CLVS1: variants seen among roughly 807,000 people sequenced by gnomAD.
CLVS1 encodes the protein clavesin-1.
In CLVS1, 10 loss-of-function variants were observed where a neutral mutation model predicts 33.1. That is an observed-to-expected ratio of 0.30 (90% CI 0.19 to 0.51). The LOEUF (loss-of-function observed/expected upper bound fraction) is 0.51. Ranked by LOEUF, CLVS1 falls within the 20% of genes least tolerant of loss-of-function variation. The probability of loss-of-function intolerance (pLI) is 0.97; values close to 1 mark genes in which losing one functional copy is unlikely to be tolerated. For missense variants in CLVS1, 343 were observed against 433.4 expected (o/e 0.79, Z 1.85); for synonymous variants, 163 against 166.1 (o/e 0.98, Z 0.14).
chr8:60,995,713 G>A, the CLVS1 span, among the ~76,000 whole-genome samples: 8 of 152,160 alleles, frequency 5.3e-5, no homozygotes, highest in Admixed American at 2.6e-4. Flanking sequence ...ACACGCACAC[G>A]TATGTTTATT....
intron 2 of CLVS1, among the ~76,000 whole-genome samples, chr8:61,210,044 G>C (rs192204594): frequency 4.5e-4 from 68 of 152,336 alleles, no homozygotes; most frequent in African/African-American, 1.6e-3. Context: ...AATCAGGTAA[G>C]ATCTTTAAAG....
intron 2 of CLVS1, among the ~76,000 whole-genome samples, chr8:61,349,647 T>G (rs998588812): frequency 4.6e-5 from 7 of 152,154 alleles, no homozygotes; most frequent in Non-Finnish European, 1.0e-4. Flanking sequence ...GTTCAGAACC[T>G]TCTTAATTTT....
At chr8:61,494,999 T>TTGC (rs1273218586) in intron 5 of CLVS1, among the ~76,000 whole-genome samples, 3 of 152,182 alleles carry the variant, frequency 2.0e-5, no homozygotes, top group Non-Finnish European at 4.4e-5. Flanking sequence ...AGTTGTCTTA[T>TTGC]TGCTACTCAC....
intron 2 of CLVS1, among the ~76,000 whole-genome samples, chr8:61,269,059 T>A (rs1809375310): frequency 6.7e-6 from 1 of 148,906 alleles, no homozygotes. Context: ...TTGTTGCCAT[T>A]GCTTTTGGTG....
chr8:61,250,605 T>G (rs1051883912), intron 2 of CLVS1, among the ~76,000 whole-genome samples: 26 of 152,220 alleles, frequency 1.7e-4, no homozygotes, highest in African/African-American at 5.3e-4. Context: ...AGCAGTGTTT[T>G]GTAGTTCTAC....
intron 5 of CLVS1, among the ~76,000 whole-genome samples, chr8:61,481,356 G>C (rs1421394982): frequency 6.6e-6 from 1 of 152,044 alleles, no homozygotes; most frequent in Non-Finnish European, 1.5e-5. Context: ...CATCTCACTG[G>C]GGCTTGTCAG....
At chr8:61,271,295 G>T (rs926302347) in intron 2 of CLVS1, among the ~76,000 whole-genome samples, 62 of 151,322 alleles carry the variant, frequency 4.1e-4, no homozygotes, top group African/African-American at 1.4e-3. Context: ...TCAGGAGCAG[G>T]TTGTTCAGTT....
At chr8:61,370,205 T>A (rs945559000) in intron 2 of CLVS1, 13 of 152,150 alleles carry the variant, frequency 8.5e-5, no homozygotes, top group African/African-American at 2.2e-4. Flanking sequence ...ATAAAAAAAA[T>A]TTTATTTTTT....
At chr8:61,465,806 T>C (rs6983123) in intron 5 of CLVS1, 34,586 of 151,952 alleles carry the variant, frequency 0.23, 6,363 homozygotes, top group African/African-American at 0.51. Flanking sequence ...GGACTACAGG[T>C]ATGCACCACC....
intron 3 of CLVS1, among the ~76,000 whole-genome samples, chr8:61,404,409 A>G (rs1814897620): frequency 6.6e-6 from 1 of 152,222 alleles, no homozygotes; most frequent in Non-Finnish European, 1.5e-5. Context: ...GTTATATTTG[A>G]TACACACACC....
the CLVS1 span, among the ~76,000 whole-genome samples, chr8:61,032,518 AG>A: frequency 1.3e-5 from 2 of 152,170 alleles, no homozygotes; most frequent in Non-Finnish European, 2.9e-5. Context: ...GGTGCTGGCC[AG>A]GGAGCTGATG....
At chr8:61,168,319 A>G (rs760461004) in intron 2 of CLVS1, among the ~76,000 whole-genome samples, 2 of 152,214 alleles carry the variant, frequency 1.3e-5, no homozygotes, top group Non-Finnish European at 2.9e-5. Context: ...ACAGGCTTTT[A>G]AAAGAATAAT....
chr8:61,468,950 G>T (rs1817648793), intron 5 of CLVS1, among the ~76,000 whole-genome samples: 1 of 152,126 alleles, frequency 6.6e-6, no homozygotes, highest in Non-Finnish European at 1.5e-5. Flanking sequence ...ACCCCACGAG[G>T]TGCTGCCCTC....
At chr8:61,075,029 G>T (rs1362268708) in intron 1 of CLVS1, among the ~76,000 whole-genome samples, 1 of 152,036 alleles carries the variant, frequency 6.6e-6, no homozygotes, top group African/African-American at 2.4e-5. Flanking sequence ...GTTCAGGCGG[G>T]CATACACAGT....
chr8:60,983,652 A>G, the CLVS1 span, among the ~76,000 whole-genome samples: 2 of 152,200 alleles, frequency 1.3e-5, no homozygotes, highest in Admixed American at 1.3e-4. Flanking sequence ...ATCAAGGTTT[A>G]TGATGTCTGA....
At chr8:61,167,428 C>T (rs762506872) in intron 2 of CLVS1, among the ~76,000 whole-genome samples, 9 of 151,950 alleles carry the variant, frequency 5.9e-5, no homozygotes, top group East Asian at 1.9e-4. Context: ...GTGATCCACC[C>T]GCCTCGGCCT....
chr8:61,307,188 C>A (rs948378037), intron 2 of CLVS1, among the ~76,000 whole-genome samples: 4 of 152,152 alleles, frequency 2.6e-5, no homozygotes, highest in African/African-American at 4.8e-5. Flanking sequence ...CATTGCAAGT[C>A]ATAATATATA....
the CLVS1 span, among the ~76,000 whole-genome samples, chr8:61,017,489 T>C: frequency 1.3e-5 from 2 of 152,264 alleles, no homozygotes; most frequent in Non-Finnish European, 2.9e-5. Flanking sequence ...GCATCCTTTC[T>C]GAATGTAGCA....
At chr8:60,975,431 C>T in the CLVS1 span, among the ~76,000 whole-genome samples, 1,699 of 152,176 alleles carry the variant, frequency 0.011, 34 homozygotes, top group African/African-American at 0.035. Context: ...CTAAATCCAA[C>T]GACTGATATC....
Sources: gnomAD v4.1 joint callset for allele counts (sites outside exome capture counted in the v4.1 genomes callset) on GRCh38, gnomAD v4.1.1 for gene constraint, MANE v1.5 for transcripts, NCBI Gene and HGNC (gene_info 2026-07-23, HGNC 2026-07-21) for gene names.